Variants in MVB12B observed in about 807,000 individuals in gnomAD.
MVB12B encodes multivesicular body subunit 12B.
In MVB12B, 16 loss-of-function variants were observed where a neutral mutation model predicts 41.6. The observed-to-expected ratio is 0.38, with a 90% CI of 0.26 to 0.58. MVB12B has a LOEUF of 0.58. MVB12B is among the 20% of genes least tolerant of loss of function. The probability of loss-of-function intolerance (pLI) is 0.62; values close to 1 mark genes in which losing one functional copy is unlikely to be tolerated. For synonymous variants in MVB12B, 133 were observed against 139.7 expected (o/e 0.95, Z 0.34); for missense variants, 274 against 380.2 (o/e 0.72, Z 2.32).
rs1321714243 is a variant in MVB12B at position 126,473,988 on chromosome 9, A to C, written c.758-7381A>C. ...TTTGTTGGGGGTGGGGGGCTTTGTC[A>C]TGGCACACTGAGAGCTCCAGGGCCT... On this transcript the variant is annotated intron_variant, in intron 7 of 9. Coordinates refer to ENST00000361171, the MANE Select transcript of MVB12B (RefSeq NM_033446.3). This position sits in a 1 kb window ranked among gnomAD's most constrained non-coding sequence, Gnocchi z 4.0. Among the ~76,000 whole-genome samples the C allele has an allele frequency of 6.6e-6, 1 of 152,114 alleles. No individual in the cohort carries two copies. The highest frequency in any genetic ancestry group is 1.5e-5 in the Non-Finnish European group (1 of 68,040).
rs182384398 is a variant in MVB12B, at chr9:126,392,538, C to T, written c.539+343C>T. On this transcript the variant is annotated intron_variant, in intron 5 of 9. Coordinates refer to ENST00000361171, the MANE Select transcript of MVB12B (RefSeq NM_033446.3). The surrounding 1 kb of genome is among the most constrained non-coding windows in gnomAD (Gnocchi z 4.8). ...AAGGTCACAGGGACCTATTTTGTAC[C>T]ACGGGGCCAAGGCCACTGGATGTGG... is the stretch of plus-strand genomic sequence containing the variant. 1.3e-5 allele frequency among the ~76,000 whole-genome samples: 2 copies of T among 152,344 alleles called. No individual in the cohort carries two copies. The highest frequency in any genetic ancestry group is 3.9e-4 in the East Asian group (2 of 5,188).
chr9:126,398,718 T>A (rs943054406), intron 6 of MVB12B, among the ~76,000 whole-genome samples: 3 of 151,770 alleles, frequency 2.0e-5, no homozygotes, highest in African/African-American at 7.3e-5. Flanking sequence ...CCGGAGCTAG[T>A]GGCAGGCTCT....
At chr9:126,380,015 C>G (rs532171241) in intron 2 of MVB12B, among the ~76,000 whole-genome samples, 1 of 152,300 alleles carries the variant, frequency 6.6e-6, no homozygotes, top group East Asian at 1.9e-4. Context: ...AAAAGGACAA[C>G]CCAGAAGGAG....
chr9:126,445,302 T>G (rs1321550166), intron 7 of MVB12B, among the ~76,000 whole-genome samples: 1 of 152,208 alleles, frequency 6.6e-6, no homozygotes, highest in Non-Finnish European at 1.5e-5. Context: ...ATGTTGGTTT[T>G]GGTTTTTGTT....
chr9:126,347,057 T>C (rs1245854479), intron 2 of MVB12B, among the ~76,000 whole-genome samples: 1 of 151,880 alleles, frequency 6.6e-6, no homozygotes, highest in Non-Finnish European at 1.5e-5. Context: ...GAGGATGCCA[T>C]GACTCCCTTT....
intron 9 of MVB12B, among the ~76,000 whole-genome samples, chr9:126,499,337 C>A (rs73670226): frequency 7.5e-4 from 114 of 152,272 alleles, no homozygotes; most frequent in African/African-American, 2.7e-3. Context: ...GGCTGCCCAG[C>A]TGCTGCAGTG....
chr9:126,329,534 C>T lies in MVB12B; in HGVS notation c.81+2524C>T, dbSNP rs1196053241. 5.3e-5 allele frequency among the ~76,000 whole-genome samples: 8 copies of T among 152,262 alleles called. No individual in the cohort carries two copies. In the East Asian group the frequency reaches 1.5e-3, roughly 29 times the overall value. On this transcript the variant is annotated intron_variant, in intron 1 of 9. Transcript: ENST00000361171. ...CACACTGCTGGATGCCCTCTCAGGG[C>T]CTTGGAAGGGGTAAGGGAGAAGTGT...
chr9:126,402,986 C>A (rs560599916), intron 6 of MVB12B, among the ~76,000 whole-genome samples: 1 of 152,210 alleles, frequency 6.6e-6, no homozygotes, highest in African/African-American at 2.4e-5. Context: ...GTCTCAGAGA[C>A]GAGCCCTCTG....
rs1404369239 is a variant in MVB12B, at chr9:126,368,005, G to A, written c.205-13059G>A. On this transcript the variant is annotated intron_variant, in intron 2 of 9. Coordinates refer to ENST00000361171, the MANE Select transcript of MVB12B (RefSeq NM_033446.3). ...AGATGAATTGCAGCTTAGTGATGATGGCACATGCTGGGGAGGGCTCTATTT... is the reference window on the plus strand; with the variant it reads ...AGATGAATTGCAGCTTAGTGATGATAGCACATGCTGGGGAGGGCTCTATTT... Among the ~76,000 whole-genome samples the A allele has an allele frequency of 3.9e-5, 6 of 152,324 alleles. No individual in the cohort carries two copies. The East Asian group carries it at 9.7e-4, about 25-fold the overall frequency.
At chr9:126,443,773 G>A (rs1832700740) in intron 7 of MVB12B, among the ~76,000 whole-genome samples, 1 of 152,176 alleles carries the variant, frequency 6.6e-6, no homozygotes, top group Non-Finnish European at 1.5e-5. Context: ...GCACATTTCA[G>A]TGACTTTTGA....
At chr9:126,454,708 C>T (rs888837146) in intron 7 of MVB12B, among the ~76,000 whole-genome samples, 1 of 152,122 alleles carries the variant, frequency 6.6e-6, no homozygotes, top group Non-Finnish European at 1.5e-5. Flanking sequence ...TTTCATTTTA[C>T]TTTTGTTAAG....
In MVB12B at chr9:126,395,931, T is replaced by C. The variant is rs1211142925; in HGVS notation, c.662+234T>C. ...GTGCGTGTTCTGCAGGCTTCTAAAATTGCAGATTATGCAACTTAAAATTGG... is the reference window on the plus strand; with the variant it reads ...GTGCGTGTTCTGCAGGCTTCTAAAACTGCAGATTATGCAACTTAAAATTGG... On this transcript the variant is annotated intron_variant, in intron 6 of 9. Coordinates refer to ENST00000361171, the MANE Select transcript of MVB12B (RefSeq NM_033446.3). The surrounding 1 kb of genome is among the most constrained non-coding windows in gnomAD (Gnocchi z 4.9). 1.5e-6 allele frequency: 2 copies of C among 1,327,066 alleles called. No individual in the cohort carries two copies. The highest frequency in any genetic ancestry group is 1.5e-5 in the African/African-American group (1 of 67,552). The allele number at this position is 1,327,066 out of a possible 1,614,324, so 82.2% of individuals were successfully genotyped here.
Position 126,396,059 on chromosome 9 carries a change from AG to A in MVB12B, c.662+363del, listed in dbSNP as rs1165115420. On this transcript the variant is annotated intron_variant, in intron 6 of 9. Transcript: ENST00000361171. ...GTCAAATTCCTTCTCTGTCTTGGCC[AG>A]CAACTCATTTGAAACCCAGGAGGGT... 4.5e-5 allele frequency: 46 copies of A among 1,029,766 alleles called. 1 individual carries two copies. In the South Asian group the frequency reaches 1.5e-3, roughly 34 times the overall value. 63.8% of individuals were successfully genotyped at this position (1,029,766 alleles called of 1,614,324 possible).
At chr9:126,450,592 C>T (rs528821047) in intron 7 of MVB12B, among the ~76,000 whole-genome samples, 5 of 152,294 alleles carry the variant, frequency 3.3e-5, no homozygotes, top group African/African-American at 1.2e-4. Flanking sequence ...GGTGCCAGAA[C>T]AGATGTTGGT....
intron 2 of MVB12B, among the ~76,000 whole-genome samples, chr9:126,355,994 A>G (rs1157162323): frequency 6.6e-6 from 1 of 152,128 alleles, no homozygotes; most frequent in Non-Finnish European, 1.5e-5. Flanking sequence ...TTCTGTTGCT[A>G]TGGGTTTGCC....
At chr9:126,358,136 A>G (rs1036970712) in intron 2 of MVB12B, among the ~76,000 whole-genome samples, 1 of 152,194 alleles carries the variant, frequency 6.6e-6, no homozygotes, top group East Asian at 1.9e-4. Flanking sequence ...GTAGATGTAT[A>G]GGCACATTGC....
chr9:126,497,472 C>CA (rs145152369), intron 9 of MVB12B, among the ~76,000 whole-genome samples: 7,936 of 152,188 alleles, frequency 0.052, 273 homozygotes, highest in Non-Finnish European at 0.081. Context: ...GGTGCAGCCT[C>CA]ATGGGACCTC....
chr9:126,464,851 T>C (rs558272428), intron 7 of MVB12B, among the ~76,000 whole-genome samples: 47 of 152,322 alleles, frequency 3.1e-4, no homozygotes, highest in African/African-American at 1.1e-3. Flanking sequence ...CCTTCTGGGC[T>C]TCAGACTCCT....
At chr9:126,353,462 A>G (rs1262532677) in intron 2 of MVB12B, among the ~76,000 whole-genome samples, 1 of 152,168 alleles carries the variant, frequency 6.6e-6, no homozygotes, top group Non-Finnish European at 1.5e-5. Flanking sequence ...TGGTTAAGTT[A>G]CTTTACCTCT....
Sources: gnomAD v4.1 joint callset for allele counts (sites outside exome capture counted in the v4.1 genomes callset) on GRCh38, gnomAD v4.1.1 for gene constraint, Gnocchi (gnomAD v3.1) non-coding constraint, MANE v1.5 for transcripts, NCBI Gene and HGNC (gene_info 2026-07-23, HGNC 2026-07-21) for gene names.